ACSL1: variants seen among roughly 807,000 people sequenced by gnomAD.
ACSL1 encodes long-chain-fatty-acid--CoA ligase 1.
Under a neutral mutation model 98.4 loss-of-function variants are expected in ACSL1, and 41 were observed. The ratio of observed to expected loss-of-function variants is 0.42; its 90% CI spans 0.32 to 0.54. ACSL1 has a LOEUF of 0.54. Ranked by LOEUF, ACSL1 falls within the 20% of genes least tolerant of loss-of-function variation. The pLI is 0.13. For synonymous variants in ACSL1, 316 were observed against 322.7 expected, an observed-to-expected ratio of 0.98 and a Z score of 0.22; for missense variants, 734 against 883.1, an observed-to-expected ratio of 0.83 and a Z score of 2.14.
chr4:184,797,378 G>A (rs141523195), intron 2 of ACSL1, among the ~76,000 whole-genome samples: 24 of 152,332 alleles, frequency 1.6e-4, no homozygotes, highest in African/African-American at 5.3e-4. Context: ...CATGTGTGAA[G>A]TATGGTTACG....
intron 1 of ACSL1, chr4:184,813,970 C>T (rs1419919738): frequency 1.8e-5 from 8 of 438,640 alleles, no homozygotes; most frequent in Non-Finnish European, 1.9e-5. Flanking sequence ...CCCATCTTCC[C>T]GTGGTGACTA....
intron 2 of ACSL1, among the ~76,000 whole-genome samples, chr4:184,789,338 C>T (rs1445195088): frequency 2.6e-5 from 4 of 152,252 alleles, no homozygotes; most frequent in Non-Finnish European, 5.9e-5. Flanking sequence ...GTTCTCAAGC[C>T]ACTGCCATCC....
intron 2 of ACSL1, among the ~76,000 whole-genome samples, chr4:184,799,583 C>T (rs1770099771): frequency 6.6e-6 from 1 of 152,162 alleles, no homozygotes; most frequent in South Asian, 2.1e-4. Context: ...TGCTGTGGCT[C>T]ACACCTGTAA....
In ACSL1 at chr4:184,825,683, G is replaced by A. The variant is rs1773424045; in HGVS notation, c.-33+233C>T. 6.7e-6 allele frequency among the ~76,000 whole-genome samples: 1 copy of A among 149,704 alleles called. No individual in the cohort carries two copies. The highest frequency in any genetic ancestry group is 1.5e-5 in the Non-Finnish European group (1 of 67,020). On this transcript the variant is annotated intron_variant, in intron 1 of 20. Transcript: ENST00000281455. The surrounding 1 kb of genome is among the most constrained non-coding windows in gnomAD (Gnocchi z 4.7). ...CCGCGCCGCCCGCGACTCAGACACAGGAAGCTGCGGCAGCACGGGCACCCC... is the reference window on the plus strand; with the variant it reads ...CCGCGCCGCCCGCGACTCAGACACAAGAAGCTGCGGCAGCACGGGCACCCC...
At chr4:184,820,160 G>A (rs1772947581) in intron 1 of ACSL1, among the ~76,000 whole-genome samples, 1 of 152,150 alleles carries the variant, frequency 6.6e-6, no homozygotes, top group Admixed American at 6.6e-5. Context: ...TGGGACTACA[G>A]GTGCCCACCA....
intron 4 of ACSL1, among the ~76,000 whole-genome samples, chr4:184,781,865 C>T (rs1579887945): frequency 6.6e-6 from 1 of 152,254 alleles, no homozygotes; most frequent in African/African-American, 2.4e-5. Flanking sequence ...CCCCCGTCGG[C>T]CTCCCAAAGT....
Position 184,786,426 on chromosome 4 carries a change from A to ATG in ACSL1, c.310+2190_310+2191insCA, listed in dbSNP as rs1561210985. 1.5e-3 allele frequency among the ~76,000 whole-genome samples: 187 copies of ATG among 128,634 alleles called. 2 individuals carry two copies. In the East Asian group the frequency reaches 0.033, roughly 23 times the overall value. 84.4% of individuals were successfully genotyped at this position (128,634 alleles called of 152,430 possible). ...TCTGTGGTGGTGGCAAAGCACACAC[A>ATG]CACACACACACACACACACACACAC... On this transcript the variant is annotated intron_variant, in intron 3 of 20. Transcript: ENST00000281455.
intron 1 of ACSL1, among the ~76,000 whole-genome samples, chr4:184,805,140 T>C (rs757407457): frequency 1.3e-5 from 2 of 152,130 alleles, no homozygotes; most frequent in Non-Finnish European, 2.9e-5. Context: ...AAAGAAGACA[T>C]TTATGCCACC....
chr4:184,795,039 G>T (rs192634849), intron 2 of ACSL1, among the ~76,000 whole-genome samples: 1 of 152,254 alleles, frequency 6.6e-6, no homozygotes, highest in Admixed American at 6.5e-5. Flanking sequence ...CAATGAAAGG[G>T]AAGAAAATTT....
intron 2 of ACSL1, among the ~76,000 whole-genome samples, chr4:184,791,304 C>T (rs1220699739): frequency 6.6e-6 from 1 of 152,200 alleles, no homozygotes; most frequent in African/African-American, 2.4e-5. Context: ...CGTCTTGTCT[C>T]TAAGTGACCA....
chr4:184,762,898 T>C (rs1040361122), intron 16 of ACSL1, among the ~76,000 whole-genome samples: 1 of 152,232 alleles, frequency 6.6e-6, no homozygotes, highest in African/African-American at 2.4e-5. Context: ...TCCCAGGAAC[T>C]GAGGCCACCG....
chr4:184,807,516 A>G (rs571368750), intron 1 of ACSL1, among the ~76,000 whole-genome samples: 3 of 152,154 alleles, frequency 2.0e-5, no homozygotes, highest in Non-Finnish European at 4.4e-5. Context: ...AAGGATGGGG[A>G]AGGTAACAAT....
rs2150248169 is a variant in ACSL1, at chr4:184,756,993, C to A, written c.*132G>T. 1 of 1,168,850 alleles carries A rather than the reference C, an allele frequency of 8.6e-7. No homozygotes were observed. Among genetic ancestry groups the A allele is most frequent in the Non-Finnish European group, 1.2e-6 (1 of 849,680 alleles). 72.4% of individuals were successfully genotyped at this position (1,168,850 alleles called of 1,614,324 possible). A position where few individuals can be genotyped will look rare whatever the true frequency, so the allele number is the denominator to read the frequency against. On this transcript the variant is annotated 3_prime_UTR_variant, in exon 21 of 21. Coordinates refer to ENST00000281455, the MANE Select transcript of ACSL1 (RefSeq NM_001995.5). ...CCTCTAGCATTCCTATGAGAAGAACCCCGAATGGACAAGTCAAACACGAAC... is the reference window on the plus strand; with the variant it reads ...CCTCTAGCATTCCTATGAGAAGAACACCGAATGGACAAGTCAAACACGAAC...
intron 4 of ACSL1, among the ~76,000 whole-genome samples, chr4:184,783,323 T>C (rs1766646251): frequency 6.6e-6 from 1 of 152,224 alleles, no homozygotes; most frequent in Non-Finnish European, 1.5e-5. Context: ...TTTGTGCTTA[T>C]ACAGTAACAC....
At chr4:184,813,655 G>A (rs1772342259) in intron 1 of ACSL1, 1 of 306,728 alleles carries the variant, frequency 3.3e-6, no homozygotes, top group African/African-American at 2.2e-5. Flanking sequence ...GAAAGCTAAA[G>A]AAGGAAATAA....
Position 184,825,046 on chromosome 4 carries a change from A to AAAG in ACSL1, c.-33+869_-33+870insCTT. Reference sequence around the variant, plus strand: ...GACTTTAGACACTCCTGCACCAAGAAGCTTAAAAGTCTTAGCCAGGGCACT... The same window carrying AAAG: ...GACTTTAGACACTCCTGCACCAAGAAAAGGCTTAAAAGTCTTAGCCAGGGCACT... On this transcript the variant is annotated intron_variant, in intron 1 of 20. Transcript: ENST00000281455. The surrounding 1 kb of genome is among the most constrained non-coding windows in gnomAD (Gnocchi z 4.7). 3.0e-6 allele frequency: 1 copy of AAAG among 331,840 alleles called. No individual in the cohort carries two copies. The highest frequency in any genetic ancestry group is 4.3e-6 in the Non-Finnish European group (1 of 232,308). The allele number at this position is 331,840 out of a possible 1,614,324, so 20.6% of individuals were successfully genotyped here.
At chr4:184,764,390 T>A (rs181119585) in intron 15 of ACSL1, among the ~76,000 whole-genome samples, 3 of 152,348 alleles carry the variant, frequency 2.0e-5, no homozygotes, top group Non-Finnish European at 4.4e-5. Context: ...TCCTCCTTTT[T>A]CCTTTTGAGA....
At chr4:184,783,239 T>A (rs905954071) in intron 4 of ACSL1, among the ~76,000 whole-genome samples, 1 of 152,216 alleles carries the variant, frequency 6.6e-6, no homozygotes, top group Non-Finnish European at 1.5e-5. Flanking sequence ...TGAGCCGCTG[T>A]TTCAACAGCT....
At chr4:184,799,116 CTTTT>C (rs34651371) in intron 2 of ACSL1, 3 of 121,126 alleles carry the variant, frequency 2.5e-5, no homozygotes, top group Non-Finnish European at 5.1e-5. Flanking sequence ...TTACCTGATT[CTTTT>C]TTTTTTTTTT....
Sources: gnomAD v4.1 joint callset for allele counts (sites outside exome capture counted in the v4.1 genomes callset) on GRCh38, gnomAD v4.1.1 for gene constraint, Gnocchi (gnomAD v3.1) non-coding constraint, MANE v1.5 for transcripts, NCBI Gene and HGNC (gene_info 2026-07-23, HGNC 2026-07-21) for gene names.